KPNA5: variants seen among roughly 807,000 people sequenced by gnomAD.
KPNA5 encodes the protein karyopherin subunit alpha 5, also known as importin subunit alpha-6.
A neutral mutation model predicts 71.3 loss-of-function variants in KPNA5; 46 were observed. The ratio of observed to expected loss-of-function variants is 0.65; its 90% CI spans 0.51 to 0.83. The LOEUF (loss-of-function observed/expected upper bound fraction) is 0.83. Among genes scored for constraint, KPNA5 ranks in the 40% least tolerant of loss-of-function variants. The pLI, the probability that KPNA5 is intolerant of heterozygous loss-of-function variation, is 0.00. For synonymous variants in KPNA5, 207 were observed against 201.4 expected (o/e 1.03, Z -0.24); for missense variants, 547 against 628.3 (o/e 0.87, Z 1.38).
chr6:116,725,891 G>T lies in KPNA5; in HGVS notation c.1125+15G>T. Reference sequence around the variant, plus strand: ...CTCAGATTCAGGTAACTACCCTTCAGATCTGAGAGTAGAACAGCAAGGTCT... The same window carrying T: ...CTCAGATTCAGGTAACTACCCTTCATATCTGAGAGTAGAACAGCAAGGTCT... On this transcript the variant is annotated intron_variant, in intron 11 of 13. Coordinates refer to ENST00000368564, the MANE Select transcript of KPNA5 (RefSeq NM_001366306.2). 1 of 1,609,552 alleles carries T rather than the reference G, an allele frequency of 6.2e-7. No individual in the cohort carries two copies. The highest frequency in any genetic ancestry group is 8.5e-7 in the Non-Finnish European group (1 of 1,178,466).
At chr6:116,731,442 T>C (rs564118690) in intron 13 of KPNA5, among the ~76,000 whole-genome samples, 1 of 152,312 alleles carries the variant, frequency 6.6e-6, no homozygotes, top group Admixed American at 6.5e-5. Flanking sequence ...TTTGCTGCTT[T>C]TTTTTCTGTG....
chr6:116,696,960 A>AT (rs1164400080), intron 4 of KPNA5, among the ~76,000 whole-genome samples: 3 of 151,950 alleles, frequency 2.0e-5, no homozygotes, highest in Non-Finnish European at 4.4e-5. Context: ...GGGGGTATAT[A>AT]TCATATCATA....
At position 116,692,156 on chromosome 6, in the gene KPNA5, G is replaced by A. The variant is rs1777826425; in HGVS notation, c.240G>A (p.Glu80=). 6.3e-7 allele frequency: 1 copy of A among 1,591,350 alleles called. No homozygotes were observed. Among genetic ancestry groups the A allele is most frequent in the Non-Finnish European group, 8.6e-7 (1 of 1,163,756 alleles). Reference sequence around the variant, plus strand: ...TTAGTTCCACTGTACCCATTCCAGAGGTATACTTTACCAAAATATGTTTCA... The same window carrying A: ...TTAGTTCCACTGTACCCATTCCAGAAGTATACTTTACCAAAATATGTTTCA... ...PDISSTVPIP[E]EEVVTTDMVQ... is the part of the protein sequence containing the mutation. The change falls in exon 3 of 14, where the codon GAG becomes GAA. Residue 80 remains glutamate (E), a splice_region_variant and synonymous_variant. Transcript: ENST00000368564.
chr6:116,735,314 C>A lies in KPNA5; in HGVS notation c.*2991C>A, dbSNP rs1296074559. 6.6e-6 allele frequency: 1 copy of A among 151,636 alleles called. No homozygotes were observed. The highest frequency in any genetic ancestry group is 6.6e-5 in the Admixed American group (1 of 15,154). 9.4% of individuals were successfully genotyped at this position (151,636 alleles called of 1,614,324 possible). On this transcript the variant is annotated 3_prime_UTR_variant, in exon 14 of 14. Coordinates refer to ENST00000368564, the MANE Select transcript of KPNA5 (RefSeq NM_001366306.2). ...TATTTTTTCTTCTTTTAAGAAGGAGCATTATGGAAAAATAAATATAAAGTC... is the reference window on the plus strand; with the variant it reads ...TATTTTTTCTTCTTTTAAGAAGGAGAATTATGGAAAAATAAATATAAAGTC...
chr6:116,727,086 C>CT (rs968009982), intron 12 of KPNA5, among the ~76,000 whole-genome samples: 2 of 151,614 alleles, frequency 1.3e-5, no homozygotes, highest in African/African-American at 4.8e-5. Flanking sequence ...TACTAGTTAC[C>CT]TTTTTTTTAT....
intron 1 of KPNA5, among the ~76,000 whole-genome samples, chr6:116,683,268 A>C (rs1372100872): frequency 6.6e-6 from 1 of 152,202 alleles, no homozygotes; most frequent in Non-Finnish European, 1.5e-5. Flanking sequence ...TATATTGAGG[A>C]TGAATGCACA....
chr6:116,703,323 C>A (rs1422193128), intron 6 of KPNA5, among the ~76,000 whole-genome samples: 2 of 150,856 alleles, frequency 1.3e-5, no homozygotes, highest in Non-Finnish European at 2.9e-5. Flanking sequence ...AATGCAATGG[C>A]GCGATCTCGG....
Position 116,692,298 on chromosome 6 carries a change from AGTT to A in KPNA5, c.250_252del (p.Val84del), listed in dbSNP as rs1054135917. ...TTTTTGTGTGTGTGTTTTAGGAAGA[AGTT>A]GTTACTACAGATATGGTTCAGATGA... is the stretch of plus-strand genomic sequence containing the variant. On this transcript the variant is annotated inframe_deletion, in exon 4 of 14. Transcript: ENST00000368564. 1.7e-5 allele frequency: 27 copies of A among 1,578,924 alleles called. No individual in the cohort carries two copies. The highest frequency in any genetic ancestry group is 2.0e-5 in the Non-Finnish European group (23 of 1,158,656).
At chr6:116,705,871 A>G (rs2065507) in intron 7 of KPNA5, among the ~76,000 whole-genome samples, 8,013 of 152,256 alleles carry the variant, frequency 0.053, 607 homozygotes, top group African/African-American at 0.17. Context: ...TAGGAAGAAT[A>G]CATTTCTAGA....
At chr6:116,694,543 G>A (rs1777942931) in intron 4 of KPNA5, among the ~76,000 whole-genome samples, 1 of 152,112 alleles carries the variant, frequency 6.6e-6, no homozygotes, top group Admixed American at 6.5e-5. Context: ...CTGTTTGTCT[G>A]TTATTGGTGT....
At position 116,722,225 on chromosome 6, in the gene KPNA5, C is replaced by A. The variant is rs1447704130; in HGVS notation, c.856C>A (p.Pro286Thr). The part of the protein sequence containing the change: ...CWALSYLSDG[P>T]NDKIQAVIDS... ...GGCCCTTTCTTATCTCTCCGATGGA[C>A]CCAATGATAAAATTCAAGCAGTCAT... is the stretch of plus-strand genomic sequence containing the variant. The change falls in exon 9 of 14, where the codon CCC (proline) becomes ACC (threonine). Residue 286 changes from proline (P) to threonine (T), a missense_variant. Transcript: ENST00000368564. 1 of 1,612,956 alleles carries A rather than the reference C, an allele frequency of 6.2e-7. No individual in the cohort carries two copies. Among genetic ancestry groups the A allele is most frequent in the East Asian group, 2.2e-5 (1 of 44,834 alleles).
rs531349502 is a variant in KPNA5 at position 116,741,588 on chromosome 6, G to A, written c.*9265G>A. ...GAAAAATATCATGATCATATTGAAA[G>A]ATCAAGCATGAGCTTCCATGGTGAA... is the stretch of plus-strand genomic sequence containing the variant. On this transcript the variant is annotated 3_prime_UTR_variant, in exon 14 of 14. Transcript: ENST00000368564. 6.5e-6 allele frequency: 1 copy of A among 153,146 alleles called. No individual in the cohort carries two copies. The highest frequency in any genetic ancestry group is 1.5e-5 in the Non-Finnish European group (1 of 68,000). The allele number at this position is 153,146 out of a possible 1,614,324, so 9.5% of individuals were successfully genotyped here.
At chr6:116,718,487 T>G (rs1327773133) in intron 8 of KPNA5, among the ~76,000 whole-genome samples, 1 of 152,088 alleles carries the variant, frequency 6.6e-6, no homozygotes, top group Non-Finnish European at 1.5e-5. Flanking sequence ...GGTCTCGAAC[T>G]CCTGACCTCA....
Position 116,705,316 on chromosome 6 carries a change from A to T in KPNA5, c.656+156A>T, listed in dbSNP as rs193084323. ...GCAGGTAGAACCAAGAGAAATTTTC[A>T]AATTGTTATCTCTGTCTTTTATGTT... On this transcript the variant is annotated intron_variant, in intron 7 of 13. Transcript: ENST00000368564. Among the ~76,000 whole-genome samples, 398 of 152,340 alleles carry T rather than the reference A, an allele frequency of 2.6e-3. 1 individual carries two copies. Among genetic ancestry groups the T allele is most frequent in the Non-Finnish European group, 3.3e-3 (226 of 68,034 alleles).
chr6:116,703,939 C>G (rs1438770837), intron 6 of KPNA5, among the ~76,000 whole-genome samples: 1 of 152,088 alleles, frequency 6.6e-6, no homozygotes, highest in Non-Finnish European at 1.5e-5. Flanking sequence ...TGTGCAAATT[C>G]CATGGAGTCT....
intron 12 of KPNA5, among the ~76,000 whole-genome samples, chr6:116,727,430 C>T (rs191457300): frequency 6.6e-6 from 1 of 152,028 alleles, no homozygotes; most frequent in East Asian, 1.9e-4. Context: ...AATTTAAAAA[C>T]ACAATACAAC....
At chr6:116,697,841 C>G (rs925262923) in intron 4 of KPNA5, among the ~76,000 whole-genome samples, 1 of 151,848 alleles carries the variant, frequency 6.6e-6, no homozygotes, top group Non-Finnish European at 1.5e-5. Flanking sequence ...TGTGAAAATA[C>G]ATTTTAAAAG....
chr6:116,694,036 C>T (rs1427766632), intron 4 of KPNA5, among the ~76,000 whole-genome samples: 1 of 152,218 alleles, frequency 6.6e-6, no homozygotes, highest in Admixed American at 6.5e-5. Context: ...TGTCAAAGAT[C>T]AGATAGTTGT....
At chr6:116,710,443 A>G (rs981821207) in intron 7 of KPNA5, among the ~76,000 whole-genome samples, 4 of 152,120 alleles carry the variant, frequency 2.6e-5, no homozygotes, top group African/African-American at 7.2e-5. Flanking sequence ...TATGGGGTAC[A>G]CGCGGTGTTT....
Sources: gnomAD v4.1 joint callset for allele counts (sites outside exome capture counted in the v4.1 genomes callset) on GRCh38, gnomAD v4.1.1 for gene constraint, MANE v1.5 for transcripts, NCBI Gene and HGNC (gene_info 2026-07-23, HGNC 2026-07-21) for gene names.